Variants in SEMA5A observed in about 807,000 individuals in gnomAD.
The protein encoded by SEMA5A is semaphorin 5A, also known as semaphorin-5A.
A neutral mutation model predicts 135.5 loss-of-function variants in SEMA5A; 55 were observed. The ratio of observed to expected loss-of-function variants is 0.41; its 90% CI spans 0.33 to 0.51. SEMA5A has a LOEUF of 0.51. SEMA5A is among the 20% of genes least tolerant of loss of function. The pLI, the probability that SEMA5A is intolerant of heterozygous loss-of-function variation, is 0.37. For missense variants in SEMA5A, 1,290 were observed against 1,419.9 expected (o/e 0.91, Z 1.47); for synonymous variants, 580 against 546.5 (o/e 1.06, Z -0.85).
At chr5:9,445,995 C>T (rs1318401462) in intron 1 of SEMA5A, among the ~76,000 whole-genome samples, 1 of 152,188 alleles carries the variant, frequency 6.6e-6, no homozygotes, top group East Asian at 1.9e-4. Context: ...CTCTCTCCAT[C>T]AGACAGTAGT....
At chr5:9,080,248 G>C (rs1384392867) in intron 16 of SEMA5A, among the ~76,000 whole-genome samples, 95 of 152,152 alleles carry the variant, frequency 6.2e-4, no homozygotes, top group Admixed American at 6.2e-3. Flanking sequence ...GTCCTTCGCA[G>C]AGACTTGGAT....
chr5:9,397,272 A>C (rs1756448592), intron 2 of SEMA5A, among the ~76,000 whole-genome samples: 1 of 152,178 alleles, frequency 6.6e-6, no homozygotes. Context: ...ACACAAAAAC[A>C]CTTTCATATT....
chr5:9,319,986 G>C (rs374174256), intron 4 of SEMA5A, among the ~76,000 whole-genome samples: 9 of 152,136 alleles, frequency 5.9e-5, no homozygotes, highest in African/African-American at 2.2e-4. Flanking sequence ...ATGGAAGCCG[G>C]CACTCAGAAG....
In SEMA5A at chr5:9,443,063, G is replaced by A. The variant is rs116638206; in HGVS notation, c.-174-5211C>T. 2.8e-3 allele frequency among the ~76,000 whole-genome samples: 430 copies of A among 152,278 alleles called. 1 individual carries two copies. The highest frequency in any genetic ancestry group is 9.8e-3 in the African/African-American group (409 of 41,576). On this transcript the variant is annotated intron_variant, in intron 1 of 22. Transcript: ENST00000382496. Reference sequence around the variant, plus strand: ...GAAACGCCATTCACTCTGGTTATACGCACTGCAACCCTTTCTGTCACTGTC... The same window carrying A: ...GAAACGCCATTCACTCTGGTTATACACACTGCAACCCTTTCTGTCACTGTC...
intron 5 of SEMA5A, among the ~76,000 whole-genome samples, chr5:9,283,289 C>A (rs772184597): frequency 1.3e-5 from 2 of 152,150 alleles, no homozygotes; most frequent in South Asian, 2.1e-4. Flanking sequence ...ACTGAGATGT[C>A]TTTTTAGGCT....
chr5:9,051,042 C>T (rs888278365), intron 20 of SEMA5A, among the ~76,000 whole-genome samples: 2 of 152,182 alleles, frequency 1.3e-5, no homozygotes, highest in Non-Finnish European at 2.9e-5. Context: ...TCTAGAAACA[C>T]CATTCTTTCC....
At chr5:9,465,772 A>T (rs1050004305) in intron 1 of SEMA5A, among the ~76,000 whole-genome samples, 2 of 152,190 alleles carry the variant, frequency 1.3e-5, no homozygotes, top group Non-Finnish European at 2.9e-5. Context: ...TTTATTCTCC[A>T]TCTATATTCC....
chr5:9,487,439 C>T (rs761255291), intron 1 of SEMA5A, among the ~76,000 whole-genome samples: 5 of 152,080 alleles, frequency 3.3e-5, no homozygotes, highest in African/African-American at 4.8e-5. Flanking sequence ...CCATGGGAAT[C>T]GGCTCCAGAG....
chr5:9,544,282 C>T (rs970382216), intron 1 of SEMA5A, among the ~76,000 whole-genome samples: 2 of 152,164 alleles, frequency 1.3e-5, no homozygotes, highest in African/African-American at 4.8e-5. Flanking sequence ...CCCTAAAAAG[C>T]AGAACGGTAT....
intron 1 of SEMA5A, among the ~76,000 whole-genome samples, chr5:9,442,175 T>TG (rs1182329705): frequency 5.3e-5 from 8 of 152,154 alleles, no homozygotes; most frequent in Admixed American, 5.2e-4. Flanking sequence ...GACTTTGTTT[T>TG]GGGGGGGCTT....
chr5:9,327,190 GT>G (rs550796093), intron 4 of SEMA5A, among the ~76,000 whole-genome samples: 15 of 151,988 alleles, frequency 9.9e-5, no homozygotes, highest in African/African-American at 3.4e-4. Context: ...TCTTTTGTGA[GT>G]TTTTTTCTAA....
chr5:9,184,564 C>T (rs1296920791), intron 11 of SEMA5A, among the ~76,000 whole-genome samples: 1 of 152,194 alleles, frequency 6.6e-6, no homozygotes, highest in African/African-American at 2.4e-5. Context: ...CCACCTTAAT[C>T]ACTGCAAACA....
At chr5:9,524,558 T>G (rs1393411666) in intron 1 of SEMA5A, among the ~76,000 whole-genome samples, 1 of 152,166 alleles carries the variant, frequency 6.6e-6, no homozygotes, top group South Asian at 2.1e-4. Context: ...TGAACCAATC[T>G]GCTAACAACT....
At chr5:9,468,578 G>A (rs1759350834) in intron 1 of SEMA5A, among the ~76,000 whole-genome samples, 1 of 43,666 alleles carries the variant, frequency 2.3e-5, no homozygotes, top group South Asian at 7.1e-4. Flanking sequence ...GTGATTTCTG[G>A]TAACACTTGG....
intron 1 of SEMA5A, among the ~76,000 whole-genome samples, chr5:9,505,334 A>G (rs1427523109): frequency 1.3e-5 from 2 of 152,198 alleles, no homozygotes; most frequent in African/African-American, 4.8e-5. Flanking sequence ...GAGGAAATCC[A>G]TTTAGTATAA....
At chr5:9,113,099 T>C (rs559714600) in intron 15 of SEMA5A, among the ~76,000 whole-genome samples, 1 of 152,312 alleles carries the variant, frequency 6.6e-6, no homozygotes, top group African/African-American at 2.4e-5. Flanking sequence ...TCTATGTTGA[T>C]TTCAGCCTTG....
At chr5:9,102,120 T>C (rs1739664194) in intron 16 of SEMA5A, among the ~76,000 whole-genome samples, 1 of 152,146 alleles carries the variant, frequency 6.6e-6, no homozygotes, top group Admixed American at 6.5e-5. Context: ...ACACCAAATA[T>C]GAATACAAAG....
chr5:9,286,154 G>T (rs1382173182), intron 5 of SEMA5A, among the ~76,000 whole-genome samples: 1 of 151,946 alleles, frequency 6.6e-6, no homozygotes, highest in African/African-American at 2.4e-5. Flanking sequence ...CCACCATATT[G>T]ACTAAATATA....
chr5:9,273,251 CA>C (rs1197097039), intron 5 of SEMA5A, among the ~76,000 whole-genome samples: 9 of 151,788 alleles, frequency 5.9e-5, no homozygotes, highest in African/African-American at 1.2e-4. Context: ...GATTGAAGAT[CA>C]ACTCAATGAA....
Sources: allele counts gnomAD v4.1 joint callset (sites outside exome capture counted in the v4.1 genomes callset), GRCh38; gene constraint gnomAD v4.1.1; transcripts MANE v1.5; gene names NCBI Gene and HGNC (gene_info 2026-07-23, HGNC 2026-07-21).